The following SYNE2 variants were observed in gnomAD, a reference collection of about 807,000 sequenced individuals.
SYNE2 encodes spectrin repeat containing nuclear envelope protein 2.
Under a neutral mutation model 856.3 loss-of-function variants are expected in SYNE2, and 431 were observed. That is an observed-to-expected ratio of 0.50 (90% CI 0.47 to 0.55). The LOEUF is 0.55. Among genes scored for constraint, SYNE2 ranks in the 20% least tolerant of loss-of-function variants. SYNE2 has a pLI of 0.00. For synonymous variants in SYNE2, 2,923 were observed against 2,872.3 expected (o/e 1.02, Z -0.56); for missense variants, 8,129 against 8,023.2 (o/e 1.01, Z -0.50).
chr14:64,079,939 G>A (rs998968548), intron 55 of SYNE2, among the ~76,000 whole-genome samples: 3 of 152,118 alleles, frequency 2.0e-5, no homozygotes, highest in Non-Finnish European at 4.4e-5. Flanking sequence ...GCCTCAAGCA[G>A]CCCACACACC....
chr14:64,076,118 A>C lies in SYNE2; in HGVS notation c.11022+18A>C. 7 of 1,611,442 alleles carry C rather than the reference A, an allele frequency of 4.3e-6. No individual in the cohort carries two copies. In the South Asian group the frequency reaches 6.6e-5, roughly 15 times the overall value. Reference sequence around the variant, plus strand: ...ATGAGAAGGTAATAATAATGTCTGTACTACTGTTATTATTTACGGAGCTGA... The same window carrying C: ...ATGAGAAGGTAATAATAATGTCTGTCCTACTGTTATTATTTACGGAGCTGA... On this transcript the variant is annotated intron_variant, in intron 54 of 115. Transcript: ENST00000555002.
chr14:64,143,716 C>T, intron 82 of SYNE2, 56 bp from the exon 83 acceptor site: 1 of 1,591,506 alleles, frequency 6.3e-7, no homozygotes, highest in Non-Finnish European at 8.6e-7. Flanking sequence ...AAGGGAAATC[C>T]ATTTGATCTG....
chr14:64,017,023 T>A (rs868736648), intron 33 of SYNE2, among the ~76,000 whole-genome samples: 4 of 151,890 alleles, frequency 2.6e-5, no homozygotes, highest in Middle Eastern at 3.4e-3. Context: ...CAAAAAAAAA[T>A]GTGGTTTAGA....
At position 64,188,629 on chromosome 14, in the gene SYNE2, C is replaced by T; in HGVS notation, c.17792C>T (p.Ala5931Val). ...VFNEKNKELC[A>V]WLVQMENKVL... ...AATGAAAAAAATAAAGAGTTGTGTG[C>T]CTGGCTGGTGCAGATGGAAAACAAA... Residue 5931 changes from alanine to valine, a missense_variant, in exon 98 of 116, where the codon GCC becomes GTC. Coordinates refer to ENST00000555002, the MANE Select transcript of SYNE2 (RefSeq NM_182914.3). 6.2e-7 allele frequency: 1 copy of T among 1,614,100 alleles called. No homozygotes were observed. The highest frequency in any genetic ancestry group is 1.7e-5 in the Admixed American group (1 of 60,024).
chr14:64,001,806 A>G lies in SYNE2; in HGVS notation c.3639-128A>G. On this transcript the variant is annotated intron_variant, in intron 28 of 115. Transcript: ENST00000555002. ...GGTATTAATGTGATAATGTGTATGT[A>G]TATATCATTGTATGTCTGTTTATTG... The G allele has an allele frequency of 1.4e-5, 14 of 1,010,754 alleles. 1 individual carries two copies. The South Asian group carries it at 1.4e-4, about 10-fold the overall frequency. The allele number at this position is 1,010,754 out of a possible 1,614,324, so 62.6% of individuals were successfully genotyped here.
intron 52 of SYNE2, among the ~76,000 whole-genome samples, chr14:64,072,406 G>T (rs1359257492): frequency 6.6e-6 from 1 of 152,104 alleles, no homozygotes; most frequent in African/African-American, 2.4e-5. Context: ...CCCGGAGACA[G>T]CATCAGATCA....
chr14:64,093,561 T>C, intron 61 of SYNE2, 81 bp downstream of exon 61: 2 of 1,534,428 alleles, frequency 1.3e-6, no homozygotes, highest in Non-Finnish European at 1.8e-6. Context: ...CTTTGGTGTC[T>C]AGGAGCCTTT....
At chr14:63,938,347 T>G (rs2095858427) in intron 2 of SYNE2, among the ~76,000 whole-genome samples, 1 of 152,062 alleles carries the variant, frequency 6.6e-6, no homozygotes, top group Non-Finnish European at 1.5e-5. Flanking sequence ...TCCCAGCTAC[T>G]TGGGAGCCTG....
intron 7 of SYNE2, 68 bp from the exon 8 acceptor site, chr14:63,954,651 A>G (rs764325987): frequency 8.9e-5 from 123 of 1,389,494 alleles, no homozygotes; most frequent in Non-Finnish European, 1.2e-4. Flanking sequence ...ATTACTATTG[A>G]ATATAGTGGA....
rs149383701 is a variant in SYNE2 at position 63,994,853 on chromosome 14, G to GA, written c.2782-182dup. Among the ~76,000 whole-genome samples, 4,493 of 150,212 alleles carry GA rather than the reference G, an allele frequency of 0.03. 233 individuals carry two copies. The highest frequency in any genetic ancestry group is 0.1 in the African/African-American group (4,222 of 41,020). On this transcript the variant is annotated intron_variant, in intron 22 of 115. Transcript: ENST00000555002. ...AGCTAAAATACATTTTTATTTGTTA[G>GA]AAAAAAAAACCATGTTTATGAGCCT... is the stretch of plus-strand genomic sequence containing the variant.
intron 1 of SYNE2, among the ~76,000 whole-genome samples, chr14:63,863,297 T>G (rs982083772): frequency 1.3e-5 from 2 of 152,190 alleles, no homozygotes; most frequent in Non-Finnish European, 2.9e-5. Flanking sequence ...GAGATCAGGT[T>G]ATGGGATAGT....
rs141600688 is a variant in SYNE2, at chr14:63,965,665, C to T, written c.990+1665C>T. The stretch of plus-strand genomic sequence containing the variant: ...TTAGCACCTCTAGGTCTCCATCTCC[C>T]TGTCTGTTAAGTCAAAGAGTTGGAT... On this transcript the variant is annotated intron_variant, in intron 10 of 115. Coordinates refer to ENST00000555002, the MANE Select transcript of SYNE2 (RefSeq NM_182914.3). Among the ~76,000 whole-genome samples the T allele has an allele frequency of 2.4e-3, 362 of 152,332 alleles. 3 individuals are homozygous for T. The South Asian group carries it at 0.024, about 10-fold the overall frequency.
intron 12 of SYNE2, 102 bp from the exon 13 acceptor site, chr14:63,977,803 A>ATT: frequency 1.2e-6 from 1 of 838,348 alleles, no homozygotes; most frequent in Non-Finnish European, 2.0e-6. Flanking sequence ...GGGTTTTATG[A>ATT]TTTTTTTTTG....
chr14:63,845,562 C>T (rs1890200586), intron 1 of SYNE2, among the ~76,000 whole-genome samples: 1 of 151,852 alleles, frequency 6.6e-6, no homozygotes, highest in African/African-American at 2.4e-5. Context: ...TAAATTGTTT[C>T]CTCAAATAAT....
At chr14:63,965,404 G>T (rs2096377550) in intron 10 of SYNE2, among the ~76,000 whole-genome samples, 1 of 152,228 alleles carries the variant, frequency 6.6e-6, no homozygotes, top group Non-Finnish European at 1.5e-5. Context: ...TACTGAAAGG[G>T]TAGACATGGG....
chr14:64,030,902 G>T (rs1186794990), intron 44 of SYNE2, 114 bp from the exon 45 acceptor site: 7 of 843,920 alleles, frequency 8.3e-6, no homozygotes, highest in Non-Finnish European at 1.2e-5. Flanking sequence ...GATATGAGTT[G>T]TTAAGTTTTT....
chr14:63,978,848 C>T lies in SYNE2; in HGVS notation c.1407-4C>T. On this transcript the variant is annotated splice_region_variant and splice_polypyrimidine_tract_variant and intron_variant, in intron 13 of 115. Coordinates refer to ENST00000555002, the MANE Select transcript of SYNE2 (RefSeq NM_182914.3). ...TAAATTCCAAAACCTGCACTGTTTT[C>T]CAGAATCAACAACATTTTGGAGAAA... 1.2e-6 allele frequency: 2 copies of T among 1,610,778 alleles called. No individual in the cohort carries two copies. The highest frequency in any genetic ancestry group is 1.7e-6 in the Non-Finnish European group (2 of 1,177,810).
At chr14:64,143,734 T>C (rs2098159666) in intron 82 of SYNE2, 38 bp from the exon 83 acceptor site, 4 of 1,611,292 alleles carry the variant, frequency 2.5e-6, no homozygotes, top group Non-Finnish European at 2.5e-6. Flanking sequence ...CTGACCAACA[T>C]TCATGACTGC....
rs117369775 is a variant in SYNE2 at position 63,889,088 on chromosome 14, A to G, written c.-51-20010A>G. Among the ~76,000 whole-genome samples, 58 of 150,084 alleles carry G rather than the reference A, an allele frequency of 3.9e-4. 1 individual carries two copies. In the East Asian group the frequency reaches 0.011, roughly 29 times the overall value. ...AAAAAAAAAAGGGTAAAGACCTATG[A>G]TACAGACAAAAATTATCTAAAAATT... On this transcript the variant is annotated intron_variant, in intron 1 of 115. Coordinates refer to ENST00000555002, the MANE Select transcript of SYNE2 (RefSeq NM_182914.3).
Sources: gnomAD v4.1 joint callset for allele counts (sites outside exome capture counted in the v4.1 genomes callset) on GRCh38, gnomAD v4.1.1 for gene constraint, MANE v1.5 for transcripts, NCBI Gene and HGNC (gene_info 2026-07-23, HGNC 2026-07-21) for gene names.